The following TPH2 variants were observed in gnomAD, a reference collection of about 807,000 sequenced individuals.
TPH2 encodes tryptophan 5-hydroxylase 2.
Under a neutral mutation model 59.1 loss-of-function variants are expected in TPH2, and 27 were observed. That is an observed-to-expected ratio of 0.46 (90% CI 0.34 to 0.63). The LOEUF is 0.63. Among genes scored for constraint, TPH2 ranks in the 30% least tolerant of loss-of-function variants. The pLI is 0.01. For missense variants in TPH2, 523 were observed against 588.3 expected (o/e 0.89, Z 1.15); for synonymous variants, 220 against 210.5 (o/e 1.05, Z -0.39).
intron 8 of TPH2, among the ~76,000 whole-genome samples, chr12:72,012,069 C>G (rs1052537168): frequency 1.3e-5 from 2 of 152,172 alleles, no homozygotes; most frequent in African/African-American, 4.8e-5. Context: ...CAGGGCAACT[C>G]TTCTTGCTTA....
At chr12:71,965,780 T>C (rs1050611432) in intron 5 of TPH2, among the ~76,000 whole-genome samples, 1 of 152,244 alleles carries the variant, frequency 6.6e-6, no homozygotes, top group African/African-American at 2.4e-5. Flanking sequence ...ACTCTGTTGG[T>C]AGTTCCTTTT....
chr12:71,999,527 G>A (rs958693589), intron 8 of TPH2, among the ~76,000 whole-genome samples: 7 of 152,102 alleles, frequency 4.6e-5, no homozygotes, highest in Admixed American at 1.3e-4. Flanking sequence ...TTATAGTTTT[G>A]AGACCTGCTA....
At chr12:71,997,573 C>A (rs563455627) in intron 8 of TPH2, among the ~76,000 whole-genome samples, 1 of 152,300 alleles carries the variant, frequency 6.6e-6, no homozygotes, top group Admixed American at 6.5e-5. Flanking sequence ...TGAGCTCCAA[C>A]AGCTAAAAAC....
chr12:71,969,074 G>A (rs1419086890), intron 5 of TPH2, among the ~76,000 whole-genome samples: 2 of 152,200 alleles, frequency 1.3e-5, no homozygotes, highest in Non-Finnish European at 2.9e-5. Context: ...ACGAGGTCAG[G>A]AGATCGAGAT....
intron 7 of TPH2, among the ~76,000 whole-genome samples, chr12:71,980,645 G>C (rs934666883): frequency 1.3e-5 from 2 of 152,142 alleles, no homozygotes; most frequent in Admixed American, 1.3e-4. Flanking sequence ...GAGTTAGAAA[G>C]GCAATCTCTA....
At chr12:72,024,424 G>C (rs1000527718) in intron 9 of TPH2, among the ~76,000 whole-genome samples, 1 of 152,214 alleles carries the variant, frequency 6.6e-6, no homozygotes, top group Non-Finnish European at 1.5e-5. Context: ...CTGATGACCT[G>C]ATGTAGTATG....
At chr12:72,005,420 A>G (rs11179037) in intron 8 of TPH2, among the ~76,000 whole-genome samples, 7,602 of 152,184 alleles carry the variant, frequency 0.05, 327 homozygotes, top group South Asian at 0.17. Flanking sequence ...AATTTAAAAC[A>G]TAGATAAGGA....
In TPH2 at chr12:71,948,875, A is replaced by AGG. The variant is rs1192004601; in HGVS notation, c.541-713_541-712insGG. ...AAGAGGAGAGATTTTTGGGTAAACC[A>AGG]AGAAGTCCTCTCTGAAGGATTTCAC... is the stretch of plus-strand genomic sequence containing the variant. On this transcript the variant is annotated intron_variant, in intron 4 of 10. Coordinates refer to ENST00000333850, the MANE Select transcript of TPH2 (RefSeq NM_173353.4). Among the ~76,000 whole-genome samples the AGG allele has an allele frequency of 8.8e-4, 134 of 152,342 alleles. 1 individual carries two copies. The highest frequency in any genetic ancestry group is 1.5e-3 in the Non-Finnish European group (101 of 68,030).
chr12:71,944,694 T>G lies in TPH2; in HGVS notation c.540+8T>G, dbSNP rs1710629812. The G allele has an allele frequency of 6.2e-7, 1 of 1,612,524 alleles. No homozygotes were observed. ...CTTGATGCTGACCACCCAGTAAGTG[T>G]CCAGTAAAATCTATTTCTCACATGC... On this transcript the variant is annotated splice_region_variant and intron_variant, in intron 4 of 10. Coordinates refer to ENST00000333850, the MANE Select transcript of TPH2 (RefSeq NM_173353.4).
In TPH2 at chr12:71,994,393, T is replaced by G. The variant is rs116643044; in HGVS notation, c.942-46T>G. 5.0e-4 allele frequency: 802 copies of G among 1,611,754 alleles called. 2 individuals carry two copies. The African/African-American group carries it at 9.6e-3, about 19-fold the overall frequency. On this transcript the variant is annotated intron_variant, in intron 7 of 10. Transcript: ENST00000333850. ...TAAGTCTTGTTCTACCAGTGGTAAT[T>G]TAAAGCTTCTTATTTAACACGTCTT...
intron 8 of TPH2, among the ~76,000 whole-genome samples, chr12:72,019,881 C>A (rs1873362619): frequency 6.6e-6 from 1 of 152,204 alleles, no homozygotes. Context: ...AGGAAAACTA[C>A]AACCCCGGGG....
At chr12:72,001,912 A>G (rs1017940135) in intron 8 of TPH2, among the ~76,000 whole-genome samples, 3 of 152,212 alleles carry the variant, frequency 2.0e-5, no homozygotes, top group Non-Finnish European at 4.4e-5. Context: ...AAGTATAAAA[A>G]AAGTGAACTT....
chr12:72,028,266 C>T (rs565243366), intron 9 of TPH2, among the ~76,000 whole-genome samples: 32 of 152,162 alleles, frequency 2.1e-4, no homozygotes, highest in Non-Finnish European at 4.1e-4. Context: ...GACAGAATCA[C>T]TGCAGAGTTC....
At chr12:72,018,233 A>G (rs1873312111) in intron 8 of TPH2, among the ~76,000 whole-genome samples, 1 of 152,086 alleles carries the variant, frequency 6.6e-6, no homozygotes. Flanking sequence ...TTCTGGAAGG[A>G]CTCCCAGATG....
At chr12:72,006,080 G>C (rs991638200) in intron 8 of TPH2, among the ~76,000 whole-genome samples, 1 of 152,124 alleles carries the variant, frequency 6.6e-6, no homozygotes, top group Non-Finnish European at 1.5e-5. Context: ...GACACTATGC[G>C]GTTTTCCTGA....
chr12:71,989,293 G>A (rs1376775959), intron 7 of TPH2, among the ~76,000 whole-genome samples: 1 of 152,166 alleles, frequency 6.6e-6, no homozygotes, highest in African/African-American at 2.4e-5. Context: ...TCACTACCAA[G>A]TTAATTCCCC....
At chr12:72,002,978 A>G (rs1357774733) in intron 8 of TPH2, among the ~76,000 whole-genome samples, 1 of 152,212 alleles carries the variant, frequency 6.6e-6, no homozygotes, top group Non-Finnish European at 1.5e-5. Flanking sequence ...GTCTTAAACT[A>G]ATAATCAACT....
intron 7 of TPH2, among the ~76,000 whole-genome samples, chr12:71,993,533 G>A (rs749777698): frequency 8.5e-5 from 13 of 152,156 alleles, no homozygotes; most frequent in South Asian, 2.1e-4. Flanking sequence ...TTGTATTGTC[G>A]TGAAAGATAC....
At chr12:71,984,860 G>A (rs1032273452) in intron 7 of TPH2, among the ~76,000 whole-genome samples, 1 of 152,278 alleles carries the variant, frequency 6.6e-6, no homozygotes, top group Admixed American at 6.5e-5. Context: ...CTCTCCCTTA[G>A]GAGAAGTCCG....
Sources: gnomAD v4.1 joint callset for allele counts (sites outside exome capture counted in the v4.1 genomes callset) on GRCh38, gnomAD v4.1.1 for gene constraint, MANE v1.5 for transcripts, NCBI Gene and HGNC (gene_info 2026-07-23, HGNC 2026-07-21) for gene names.